Variants in PEX5 observed in about 807,000 individuals in gnomAD.
PEX5 encodes the protein peroxisomal biogenesis factor 5.
A neutral mutation model predicts 82.9 loss-of-function variants in PEX5; 52 were observed. The observed-to-expected ratio is 0.63, with a 90% confidence interval of 0.50 to 0.79. PEX5 has a LOEUF of 0.79. Ranked by LOEUF, PEX5 falls within the 30% of genes least tolerant of loss-of-function variation. The pLI, the probability that PEX5 is intolerant of heterozygous loss-of-function variation, is 0.00. For missense variants in PEX5, 719 were observed against 815.2 expected, an observed-to-expected ratio of 0.88 and a Z score of 1.44; for synonymous variants, 300 against 318.8, an observed-to-expected ratio of 0.94 and a Z score of 0.63.
intron 10 of PEX5, among the ~76,000 whole-genome samples, chr12:7,207,178 G>A (rs1944908247): frequency 6.6e-6 from 1 of 152,128 alleles, no homozygotes; most frequent in Non-Finnish European, 1.5e-5. Flanking sequence ...GTTGACATGT[G>A]GAATGACTCT....
downstream of PEX5, among the ~76,000 whole-genome samples, chr12:7,216,300 A>G (rs1471671799): frequency 5.9e-5 from 9 of 152,140 alleles, no homozygotes; most frequent in Non-Finnish European, 1.3e-4. Context: ...CCATATATAC[A>G]TTACCTACTC....
At chr12:7,209,262 G>GT in intron 14 of PEX5, 92 bp downstream of exon 14, 1 of 1,289,434 alleles carries the variant, frequency 7.8e-7, no homozygotes, top group Non-Finnish European at 1.1e-6. Context: ...GTGCATGCCT[G>GT]TAGTCCCAGC....
At chr12:7,199,209 C>CTTTT (rs5796268) in intron 6 of PEX5, 96 bp downstream of exon 6, 123 of 396,572 alleles carry the variant, frequency 3.1e-4, no homozygotes, top group South Asian at 8.5e-4. Context: ...TTACTTTATT[C>CTTTT]TTTTTTTTTT....
chr12:7,197,574 T>TA (rs1470400120), intron 5 of PEX5, among the ~76,000 whole-genome samples: 1 of 143,042 alleles, frequency 7.0e-6, no homozygotes, highest in African/African-American at 2.5e-5. Flanking sequence ...AAGTAGTAAT[T>TA]ACTTATTATT....
chr12:7,201,264 C>T (rs1047593522), intron 6 of PEX5, among the ~76,000 whole-genome samples: 1 of 110,312 alleles, frequency 9.1e-6, no homozygotes, highest in Non-Finnish European at 2.2e-5. Context: ...CATGCGTACA[C>T]ATGTATACAC....
At chr12:7,202,860 A>G (rs188335789) in intron 9 of PEX5, among the ~76,000 whole-genome samples, 156 bp downstream of exon 9, 30 of 152,130 alleles carry the variant, frequency 2.0e-4, no homozygotes, top group African/African-American at 7.2e-4. Flanking sequence ...TGCTGTTGAA[A>G]AATGCAGATT....
chr12:7,193,971 CTTA>C (rs1244068166), intron 5 of PEX5, among the ~76,000 whole-genome samples: 1 of 152,154 alleles, frequency 6.6e-6, no homozygotes, highest in Non-Finnish European at 1.5e-5. Context: ...ATAAAAATGT[CTTA>C]TTGCAGCAGT....
Position 7,208,524 on chromosome 12 carries a change from TC to T in PEX5, c.1252del (p.Leu418CysfsTer23). 1 of 1,613,802 alleles carries T rather than the reference TC, an allele frequency of 6.2e-7. No homozygotes were observed. The highest frequency in any genetic ancestry group is 8.5e-7 in the Non-Finnish European group (1 of 1,179,932). On this transcript the variant is annotated frameshift_variant, in exon 13 of 16. Transcript: ENST00000675855. LOFTEE classifies it high-confidence loss of function. ...GCTGGCTGTGAGCTTCACCAACGAG[TC>T]CCTGCAGCGACAGGCCTGTGAAACC... ...MALAVSFTNE[S>X]LQRQACETLR...
intron 5 of PEX5, among the ~76,000 whole-genome samples, chr12:7,192,711 A>G (rs953096135): frequency 2.0e-5 from 3 of 152,168 alleles, no homozygotes; most frequent in African/African-American, 7.2e-5. Context: ...GAGATGATTA[A>G]AGGGACTGAA....
intron 5 of PEX5, among the ~76,000 whole-genome samples, chr12:7,196,075 A>G (rs1443412979): frequency 6.9e-6 from 1 of 144,906 alleles, no homozygotes; most frequent in Non-Finnish European, 1.5e-5. Flanking sequence ...TATAATGTAT[A>G]TATAATGTAT....
At chr12:7,216,030 C>T (rs760827116), downstream of PEX5, among the ~76,000 whole-genome samples, 9 of 152,242 alleles carry the variant, frequency 5.9e-5, no homozygotes, top group East Asian at 1.9e-4. Context: ...TGCAATGGCA[C>T]GATCTCGGCT....
At chr12:7,209,295 G>T (rs1341505745) in intron 14 of PEX5, 125 bp downstream of exon 14, 1 of 958,432 alleles carries the variant, frequency 1.0e-6, no homozygotes, top group East Asian at 2.5e-5. Context: ...TGAAGTGGGA[G>T]GATCACTTGA....
At chr12:7,207,245 C>T (rs1944918238) in intron 10 of PEX5, among the ~76,000 whole-genome samples, 1 of 152,164 alleles carries the variant, frequency 6.6e-6, no homozygotes, top group Admixed American at 6.5e-5. Flanking sequence ...TTCCTTTATA[C>T]ATCATCACAT....
chr12:7,189,213 G>A (rs1166804797), upstream of PEX5: 2 of 152,248 alleles, frequency 1.3e-5, no homozygotes, highest in Non-Finnish European at 2.9e-5. Flanking sequence ...CTAGGAGGCT[G>A]AAGAAGGCTT....
At chr12:7,199,671 C>G (rs1943391727) in intron 6 of PEX5, among the ~76,000 whole-genome samples, 1 of 150,648 alleles carries the variant, frequency 6.6e-6, no homozygotes, top group Non-Finnish European at 1.5e-5. Flanking sequence ...CTTTTCTATT[C>G]CACAAAACCG....
At chr12:7,209,994 C>T (rs761585259) in intron 15 of PEX5, 28 bp from the exon 16 acceptor site, 10 of 1,611,686 alleles carry the variant, frequency 6.2e-6, no homozygotes, top group Middle Eastern at 3.3e-4. Flanking sequence ...TTCAGCTTAA[C>T]AGCTCTCATT....
downstream of PEX5, among the ~76,000 whole-genome samples, chr12:7,216,282 A>G (rs1473759484): frequency 6.6e-6 from 1 of 152,132 alleles, no homozygotes; most frequent in East Asian, 1.9e-4. Context: ...TTCCTTAAAC[A>G]CTCACACCCA....
At chr12:7,204,947 T>C (rs1944578179) in intron 10 of PEX5, among the ~76,000 whole-genome samples, 1 of 152,154 alleles carries the variant, frequency 6.6e-6, no homozygotes, top group African/African-American at 2.4e-5. Flanking sequence ...TTTCGATAAA[T>C]GGTATTGGAG....
At chr12:7,191,047 TTTTAAATGTA>T in intron 3 of PEX5, 124 bp downstream of exon 3, 1 of 1,179,576 alleles carries the variant, frequency 8.5e-7, no homozygotes, top group Non-Finnish European at 1.3e-6. Flanking sequence ...GCCTGCTTGT[TTTTAAATGTA>T]TTTTTTCGTC....
Sources: allele counts gnomAD v4.1 joint callset (sites outside exome capture counted in the v4.1 genomes callset), GRCh38; gene constraint gnomAD v4.1.1; transcripts MANE v1.5; gene names NCBI Gene and HGNC (gene_info 2026-07-23, HGNC 2026-07-21).